TIGIT: variants seen among roughly 807,000 people sequenced by gnomAD.
TIGIT encodes the protein T-cell immunoreceptor with Ig and ITIM domains.
TIGIT carries 11 observed loss-of-function variants against 19.6 expected under a neutral mutation model. The observed-to-expected ratio is 0.56, with a 90% confidence interval of 0.35 to 0.93. The LOEUF (loss-of-function observed/expected upper bound fraction) is 0.93, where lower values mean the gene tolerates loss of function less well. Ranked by LOEUF, TIGIT falls within the 40% of genes least tolerant of loss-of-function variation. The pLI is 0.01. For synonymous variants in TIGIT, 130 were observed against 125.5 expected, an observed-to-expected ratio of 1.04 and a Z score of -0.24; for missense variants, 295 against 303.9, an observed-to-expected ratio of 0.97 and a Z score of 0.22.
At chr3:114,299,349 G>A (rs910210770) in intron 2 of TIGIT, among the ~76,000 whole-genome samples, 1 of 152,188 alleles carries the variant, frequency 6.6e-6, no homozygotes, top group Non-Finnish European at 1.5e-5. Flanking sequence ...AGAAACGAAT[G>A]TTAAAATGAC....
At chr3:114,296,524 G>A (rs1193960933) in intron 2 of TIGIT, among the ~76,000 whole-genome samples, 1 of 152,198 alleles carries the variant, frequency 6.6e-6, no homozygotes, top group Non-Finnish European at 1.5e-5. Flanking sequence ...TAGCTTCTCT[G>A]TGTATCAGTT....
rs897902406 is a variant in TIGIT at position 114,294,111 on chromosome 3, C to A, written c.50C>A (p.Pro17His). 6.4e-7 allele frequency: 1 copy of A among 1,554,454 alleles called. No individual in the cohort carries two copies. Residue 17 changes from proline to histidine, a missense_variant, in exon 1 of 4, where the codon CCC becomes CAC. By Grantham distance (77) the Pro-to-His change is moderately conservative. Coordinates refer to ENST00000383671, the MANE Select transcript of TIGIT (RefSeq NM_173799.4). ...TGGGCCCAGGGGCTGAGGCAGGCTC[C>A]CCTCGCCTCAGGTAAGGCCTGAAAC... ...LIWAQGLRQA[P>H]LASGMMTGTI...
At chr3:114,297,793 G>C (rs2078465207) in intron 2 of TIGIT, among the ~76,000 whole-genome samples, 1 of 152,132 alleles carries the variant, frequency 6.6e-6, no homozygotes, top group African/African-American at 2.4e-5. Context: ...TGGACCCCTG[G>C]GGAGAGAGAT....
At chr3:114,302,610 A>G (rs760678989) in intron 3 of TIGIT, among the ~76,000 whole-genome samples, 9 of 152,118 alleles carry the variant, frequency 5.9e-5, no homozygotes, top group Non-Finnish European at 1.2e-4. Flanking sequence ...GTTCTGTACT[A>G]TTTTGGGATC....
Position 114,298,228 on chromosome 3 carries a change from C to T in TIGIT, c.392-1369C>T, listed in dbSNP as rs1320580459. On this transcript the variant is annotated intron_variant, in intron 2 of 3. Transcript: ENST00000383671. ...TTTCAAAGACCTTGATATCTTTGTT[C>T]TATGACCATAACTGTGAATGGAGAC... 2.0e-5 allele frequency among the ~76,000 whole-genome samples: 3 copies of T among 152,180 alleles called. No homozygotes were observed. The East Asian group carries it at 5.8e-4, about 29-fold the overall frequency.
rs1197053213 is a variant in TIGIT, at chr3:114,307,945, A to G, written c.549A>G (p.Ser183=). 2 of 1,614,178 alleles carry G rather than the reference A, an allele frequency of 1.2e-6. No homozygotes were observed. The highest frequency in any genetic ancestry group is 1.7e-5 in the Admixed American group (1 of 60,030). The stretch of plus-strand genomic sequence containing the variant: ...TGGAAGGTGACCTCAGGAGAAAATC[A>G]GCTGGACAGGAGGAATGGAGCCCCA... ...HSVEGDLRRK[S]AGQEEWSPSA... is the part of the protein sequence containing the mutation. The change falls in exon 4 of 4, where the codon TCA becomes TCG. Residue 183 remains serine (S), a synonymous_variant. Coordinates refer to ENST00000383671, the MANE Select transcript of TIGIT (RefSeq NM_173799.4).
In TIGIT at chr3:114,308,324, AT is replaced by A. The variant is rs2078549695; in HGVS notation, c.*195del. The stretch of plus-strand genomic sequence containing the variant: ...GCCTTTTCGTTCTATTCCATTTTGC[AT>A]TATGGCAGGCCTAGGGTGAGTAACG... On this transcript the variant is annotated 3_prime_UTR_variant, in exon 4 of 4. Coordinates refer to ENST00000383671, the MANE Select transcript of TIGIT (RefSeq NM_173799.4). The A allele has an allele frequency of 1.0e-5, 6 of 576,618 alleles. No homozygotes were observed. Among genetic ancestry groups the A allele is most frequent in the Admixed American group, 6.3e-5 (2 of 31,792 alleles). The allele number at this position is 576,618 out of a possible 1,614,324, so 35.7% of individuals were successfully genotyped here.
rs2078448439 is a variant in TIGIT at position 114,295,654 on chromosome 3, C to G, written c.171C>G (p.Val57=). ...CCACCACGGCACAAGTGACCCAGGT[C>G]AACTGGGAGCAGCAGGACCAGCTTC... ...LSSTTAQVTQ[V]NWEQQDQLLA... is the part of the protein sequence containing the mutation. The change falls in exon 2 of 4, where the codon GTC becomes GTG. Residue 57 remains valine, a synonymous_variant. Transcript: ENST00000383671. 1 of 1,614,210 alleles carries G rather than the reference C, an allele frequency of 6.2e-7. No individual in the cohort carries two copies. The highest frequency in any genetic ancestry group is 8.5e-7 in the Non-Finnish European group (1 of 1,180,024).
Position 114,295,856 on chromosome 3 carries a change from G to A in TIGIT, c.373G>A (p.Glu125Lys), listed in dbSNP as rs2078450460. The stretch of plus-strand genomic sequence containing the variant: ...GACGTACACTGGGAGAATCTTCCTG[G>A]AGGTCCTAGAAAGCTCAGGTATTCC... ...DGTYTGRIFL[E>K]VLESSVAEHG... Residue 125 changes from glutamate to lysine, a missense_variant, in exon 2 of 4, where the codon GAG becomes AAG. Glu to Lys is a moderately conservative substitution (Grantham distance 56, BLOSUM62 1). Coordinates refer to ENST00000383671, the MANE Select transcript of TIGIT (RefSeq NM_173799.4). 1 of 1,603,888 alleles carries A rather than the reference G, an allele frequency of 6.2e-7. No individual in the cohort carries two copies. The highest frequency in any genetic ancestry group is 8.5e-7 in the Non-Finnish European group (1 of 1,172,212).
chr3:114,301,164 A>G (rs1385966133), intron 3 of TIGIT, among the ~76,000 whole-genome samples: 1 of 152,150 alleles, frequency 6.6e-6, no homozygotes, highest in East Asian at 1.9e-4. Context: ...AGCTCAGCCC[A>G]GGTCACCTTA....
intron 2 of TIGIT, among the ~76,000 whole-genome samples, chr3:114,299,117 C>G (rs993344325): frequency 6.6e-6 from 1 of 152,128 alleles, no homozygotes; most frequent in Admixed American, 6.5e-5. Context: ...GTTTCACAGC[C>G]TAGCTGGAAA....
chr3:114,307,897 G>A lies in TIGIT; in HGVS notation c.501G>A (p.Lys167=). Residue 167 remains lysine, a splice_region_variant and synonymous_variant, in exon 4 of 4, where the codon AAG becomes AAA. Coordinates refer to ENST00000383671, the MANE Select transcript of TIGIT (RefSeq NM_173799.4). ...CTTTGTAGTTTGTTTGTTTTTAGAA[G>A]AAAGCCCTCAGAATCCATTCTGTGG... ...VIVVVALTRK[K]KALRIHSVEG... is the part of the protein sequence containing the mutation. The A allele has an allele frequency of 6.2e-7, 1 of 1,613,636 alleles. No homozygotes were observed. The highest frequency in any genetic ancestry group is 8.5e-7 in the Non-Finnish European group (1 of 1,179,608).
At chr3:114,301,095 G>C (rs1258543793) in intron 3 of TIGIT, among the ~76,000 whole-genome samples, 1 of 152,144 alleles carries the variant, frequency 6.6e-6, no homozygotes, top group African/African-American at 2.4e-5. Context: ...GGTATTGATT[G>C]GGAGGAGTGA....
At chr3:114,299,049 G>A (rs569719928) in intron 2 of TIGIT, among the ~76,000 whole-genome samples, 3 of 152,336 alleles carry the variant, frequency 2.0e-5, no homozygotes, top group South Asian at 4.1e-4. Flanking sequence ...CATTCGCTAT[G>A]TGTCAGATGC....
chr3:114,299,136 A>G (rs1317011040), intron 2 of TIGIT, among the ~76,000 whole-genome samples: 3 of 152,210 alleles, frequency 2.0e-5, no homozygotes, highest in Non-Finnish European at 4.4e-5. Flanking sequence ...AATAAGTGTT[A>G]TAGGCTTAAG....
chr3:114,296,794 T>C (rs542124321), intron 2 of TIGIT, among the ~76,000 whole-genome samples: 1 of 152,316 alleles, frequency 6.6e-6, no homozygotes, highest in African/African-American at 2.4e-5. Flanking sequence ...TATTTACTGC[T>C]GTCAGTTATG....
intron 3 of TIGIT, among the ~76,000 whole-genome samples, chr3:114,305,864 G>GGATAGATAGAT (rs1553777026): frequency 6.9e-6 from 1 of 145,046 alleles, no homozygotes; most frequent in East Asian, 2.1e-4. Context: ...ATGGATGGAT[G>GGATAGATAGAT]GATAGATAGA....
rs115107987 is a variant in TIGIT, at chr3:114,304,272, A to G, written c.499-3623A>G. Among the ~76,000 whole-genome samples the G allele has an allele frequency of 6.1e-3, 924 of 152,340 alleles. 17 individuals carry two copies. Among genetic ancestry groups the G allele is most frequent in the African/African-American group, 0.022 (896 of 41,572 alleles). Reference sequence around the variant, plus strand: ...TTTTAAAACTATTTTTGTTTTAAAAAAACACTTAAAATATAAAAGCCATCT... The same window carrying G: ...TTTTAAAACTATTTTTGTTTTAAAAGAACACTTAAAATATAAAAGCCATCT... On this transcript the variant is annotated intron_variant, in intron 3 of 3. Coordinates refer to ENST00000383671, the MANE Select transcript of TIGIT (RefSeq NM_173799.4).
Position 114,307,913 on chromosome 3 carries a change from C to T in TIGIT, c.517C>T (p.His173Tyr), listed in dbSNP as rs761432495. The T allele has an allele frequency of 3.1e-6, 5 of 1,613,988 alleles. No individual in the cohort carries two copies. The South Asian group carries it at 5.5e-5, about 18-fold the overall frequency. Residue 173 changes from histidine to tyrosine, a missense_variant, in exon 4 of 4, where the codon CAT becomes TAT. Transcript: ENST00000383671. ...LTRKKKALRI[H>Y]SVEGDLRRKS... ...TTTTTAGAAGAAAGCCCTCAGAATC[C>T]ATTCTGTGGAAGGTGACCTCAGGAG...
Sources: gnomAD v4.1 joint callset for allele counts (sites outside exome capture counted in the v4.1 genomes callset) on GRCh38, gnomAD v4.1.1 for gene constraint, MANE v1.5 for transcripts, NCBI Gene and HGNC (gene_info 2026-07-23, HGNC 2026-07-21) for gene names.